Variants in PDE4D observed in about 807,000 individuals in gnomAD.
The protein encoded by PDE4D is phosphodiesterase 4D.
Under a neutral mutation model 87.4 loss-of-function variants are expected in PDE4D, and 24 were observed. The observed-to-expected ratio is 0.27, with a 90% CI of 0.20 to 0.39. The LOEUF (loss-of-function observed/expected upper bound fraction) is 0.39. PDE4D is among the 10% of genes least tolerant of loss of function. PDE4D has a pLI of 1.00. For synonymous variants in PDE4D, 384 were observed against 383.2 expected (o/e 1.00, Z -0.02); for missense variants, 714 against 1,041.0 (o/e 0.69, Z 4.32).
At chr5:60,431,339 T>G (rs1164112952) in intron 1 of PDE4D, among the ~76,000 whole-genome samples, 16 of 129,652 alleles carry the variant, frequency 1.2e-4, no homozygotes, top group African/African-American at 3.0e-5. Context: ...AGGCAGAGGG[T>G]CTCCTCACTT....
intron 1 of PDE4D, among the ~76,000 whole-genome samples, chr5:59,695,581 A>C (rs1477547025): frequency 1.3e-5 from 2 of 152,116 alleles, no homozygotes; most frequent in East Asian, 3.9e-4. Context: ...TGACATATTC[A>C]AAAATGGTGT....
At chr5:59,259,927 T>C (rs1761684445) in intron 1 of PDE4D, among the ~76,000 whole-genome samples, 1 of 151,852 alleles carries the variant, frequency 6.6e-6, no homozygotes, top group Admixed American at 6.6e-5. Context: ...TTATACTAAA[T>C]TAGAAACTGT....
At chr5:59,533,104 G>C (rs112927678) in intron 1 of PDE4D, among the ~76,000 whole-genome samples, 14,491 of 152,130 alleles carry the variant, frequency 0.095, 854 homozygotes, top group African/African-American at 0.16. Context: ...CTAACACACT[G>C]TCTTCATATA....
chr5:60,184,818 A>C (rs1784648600), intron 2 of PDE4D, among the ~76,000 whole-genome samples: 1 of 152,202 alleles, frequency 6.6e-6, no homozygotes, highest in African/African-American at 2.4e-5. Context: ...TTCCTACGTC[A>C]CAAGTACATC....
intron 1 of PDE4D, among the ~76,000 whole-genome samples, chr5:59,513,025 C>T (rs1247832785): frequency 1.3e-5 from 2 of 151,872 alleles, no homozygotes; most frequent in Non-Finnish European, 2.9e-5. Flanking sequence ...TAAATGTGTT[C>T]TTTTTTAAAA....
intron 1 of PDE4D, among the ~76,000 whole-genome samples, chr5:59,456,032 T>C (rs1799878980): frequency 3.9e-5 from 6 of 152,212 alleles, no homozygotes; most frequent in Admixed American, 3.9e-4. Context: ...GGACTCCCCT[T>C]GTCTCAGATG....
At chr5:59,703,387 T>C (rs1752898142) in intron 1 of PDE4D, among the ~76,000 whole-genome samples, 1 of 152,158 alleles carries the variant, frequency 6.6e-6, no homozygotes, top group East Asian at 1.9e-4. Flanking sequence ...CAGACAATAA[T>C]TAACATGTGG....
intron 6 of PDE4D, among the ~76,000 whole-genome samples, chr5:59,030,827 T>G (rs1454128390): frequency 6.6e-6 from 1 of 152,174 alleles, no homozygotes; most frequent in African/African-American, 2.4e-5. Flanking sequence ...AATGACTATT[T>G]TCCTTTTTTT....
At chr5:59,565,477 C>T (rs1820721010) in intron 1 of PDE4D, among the ~76,000 whole-genome samples, 1 of 152,158 alleles carries the variant, frequency 6.6e-6, no homozygotes, top group Admixed American at 6.5e-5. Flanking sequence ...CATAACTGCA[C>T]CACTGTACTC....
chr5:59,393,912 T>C (rs554791115), intron 1 of PDE4D, among the ~76,000 whole-genome samples: 208 of 152,332 alleles, frequency 1.4e-3, no homozygotes, highest in Non-Finnish European at 2.1e-3. Context: ...ATAAATGTGA[T>C]AAAAGTTTTC....
chr5:60,257,407 C>T (rs1045487292), intron 1 of PDE4D, among the ~76,000 whole-genome samples: 4 of 151,698 alleles, frequency 2.6e-5, no homozygotes, highest in Non-Finnish European at 5.9e-5. Flanking sequence ...TTTGTGGCAG[C>T]GGCGATATCT....
chr5:60,227,942 A>G (rs1265059579), intron 1 of PDE4D, among the ~76,000 whole-genome samples: 1 of 151,892 alleles, frequency 6.6e-6, no homozygotes, highest in African/African-American at 2.4e-5. Flanking sequence ...CCTGCACTAT[A>G]ATCACATTGT....
intron 1 of PDE4D, among the ~76,000 whole-genome samples, chr5:59,219,621 C>T (rs1056664906): frequency 1.3e-5 from 2 of 152,152 alleles, no homozygotes; most frequent in Non-Finnish European, 2.9e-5. Context: ...ATATACTACA[C>T]ATTGTCCTTT....
intron 1 of PDE4D, among the ~76,000 whole-genome samples, chr5:60,423,534 C>T (rs1032602095): frequency 6.6e-6 from 1 of 152,204 alleles, no homozygotes; most frequent in Middle Eastern, 3.4e-3. Flanking sequence ...CTCTGGGACA[C>T]ATTTAAAGCA....
At chr5:60,103,556 T>C (rs1422482373) in intron 2 of PDE4D, among the ~76,000 whole-genome samples, 1 of 152,182 alleles carries the variant, frequency 6.6e-6, no homozygotes, top group African/African-American at 2.4e-5. Flanking sequence ...CTAGAATTTA[T>C]ATAACTATGA....
At chr5:59,163,025 C>T (rs893216618) in intron 5 of PDE4D, among the ~76,000 whole-genome samples, 1 of 151,154 alleles carries the variant, frequency 6.6e-6, no homozygotes, top group East Asian at 1.9e-4. Context: ...CTCTGCCTCC[C>T]GGGTTCAAGC....
At chr5:59,717,867 T>A (rs1329969136) in intron 1 of PDE4D, among the ~76,000 whole-genome samples, 1 of 152,210 alleles carries the variant, frequency 6.6e-6, no homozygotes, top group Non-Finnish European at 1.5e-5. Flanking sequence ...ACTTTTATAA[T>A]CCCCATTTTG....
intron 1 of PDE4D, among the ~76,000 whole-genome samples, chr5:59,541,233 T>C (rs1561163193): frequency 6.6e-6 from 1 of 152,192 alleles, no homozygotes; most frequent in Non-Finnish European, 1.5e-5. Flanking sequence ...GTAGCAATTA[T>C]TGCCTGACTG....
At chr5:59,472,448 C>T (rs936952393) in intron 1 of PDE4D, among the ~76,000 whole-genome samples, 1 of 152,156 alleles carries the variant, frequency 6.6e-6, no homozygotes, top group African/African-American at 2.4e-5. Context: ...AAGGCAGCAA[C>T]CCATTTCATT....
Sources: allele counts gnomAD v4.1 joint callset (sites outside exome capture counted in the v4.1 genomes callset), GRCh38; gene constraint gnomAD v4.1.1; transcripts MANE v1.5; gene names NCBI Gene and HGNC (gene_info 2026-07-23, HGNC 2026-07-21).